The following LYPD6B variants were observed in gnomAD, a reference collection of about 807,000 sequenced individuals.
LYPD6B encodes LY6/PLAUR domain containing 6B, also known as ly6/PLAUR domain-containing protein 6B.
Under a neutral mutation model 22.8 loss-of-function variants are expected in LYPD6B, and 17 were observed. That is an observed-to-expected ratio of 0.75 (90% confidence interval 0.51 to 1.12). The LOEUF is 1.12. LYPD6B is among the 50% of genes most tolerant of loss of function. The pLI is 0.00. For synonymous variants in LYPD6B, 106 were observed against 91.6 expected, an observed-to-expected ratio of 1.16 and a Z score of -0.90; for missense variants, 221 against 258.3, an observed-to-expected ratio of 0.86 and a Z score of 0.99.
chr2:149,208,464 C>A, intron 5 of LYPD6B, 52 bp downstream of exon 5: 1 of 1,346,856 alleles, frequency 7.4e-7, no homozygotes, highest in South Asian at 1.2e-5. Flanking sequence ...ATTTGAATCT[C>A]TCCTGACTTG....
chr2:149,048,437 T>C (rs1683407783), intron 1 of LYPD6B, among the ~76,000 whole-genome samples: 1 of 152,220 alleles, frequency 6.6e-6, no homozygotes, highest in South Asian at 2.1e-4. Context: ...GCCATTCCCA[T>C]CTTTTGGTCT....
At chr2:149,121,557 A>T (rs1037365537) in intron 1 of LYPD6B, among the ~76,000 whole-genome samples, 1 of 152,176 alleles carries the variant, frequency 6.6e-6, no homozygotes. Context: ...GTGCAGGGTT[A>T]AAGAGCAAAC....
At chr2:149,147,343 G>C (rs1009586083) in intron 2 of LYPD6B, among the ~76,000 whole-genome samples, 1 of 152,232 alleles carries the variant, frequency 6.6e-6, no homozygotes, top group African/African-American at 2.4e-5. Context: ...CATTAATCCA[G>C]AGGAGGGTAT....
rs138532744 is a variant in LYPD6B, at chr2:149,129,666, T to C, written c.-66-1217T>C. Among the ~76,000 whole-genome samples, 794 of 152,346 alleles carry C rather than the reference T, an allele frequency of 5.2e-3. 6 individuals are homozygous for C. The highest frequency in any genetic ancestry group is 0.019 in the African/African-American group (773 of 41,582). Reference sequence around the variant, plus strand: ...GAGTTCTAAGTGCTATTTAGAGTTATAATGCTTTTCCTGTGGTGTATGCAG... The same window carrying C: ...GAGTTCTAAGTGCTATTTAGAGTTACAATGCTTTTCCTGTGGTGTATGCAG... On this transcript the variant is annotated intron_variant, in intron 1 of 6. Coordinates refer to ENST00000409642, the MANE Select transcript of LYPD6B (RefSeq NM_177964.5).
intron 3 of LYPD6B, among the ~76,000 whole-genome samples, chr2:149,167,448 C>T (rs1339159499): frequency 6.6e-6 from 1 of 152,218 alleles, no homozygotes; most frequent in Non-Finnish European, 1.5e-5. Context: ...GGTTGATTAA[C>T]ATGAGTTTGC....
At chr2:149,148,198 A>AT (rs1448399881) in intron 2 of LYPD6B, among the ~76,000 whole-genome samples, 1 of 152,162 alleles carries the variant, frequency 6.6e-6, no homozygotes, top group East Asian at 1.9e-4. Context: ...CAAATCTTGG[A>AT]TATTTCTTCT....
At chr2:149,151,247 G>A (rs1689355039) in intron 2 of LYPD6B, among the ~76,000 whole-genome samples, 1 of 152,100 alleles carries the variant, frequency 6.6e-6, no homozygotes, top group Admixed American at 6.5e-5. Flanking sequence ...TTTCTCCGGA[G>A]AAGAATTCTC....
At chr2:149,154,126 AC>A (rs1188052954) in intron 2 of LYPD6B, 17 of 538,608 alleles carry the variant, frequency 3.2e-5, no homozygotes, top group African/African-American at 7.0e-5. Context: ...CCATCCCCCC[AC>A]CCCCCAAAAA....
intron 3 of LYPD6B, among the ~76,000 whole-genome samples, chr2:149,181,238 G>A (rs916345673): frequency 1.3e-5 from 2 of 152,124 alleles, no homozygotes; most frequent in Non-Finnish European, 2.9e-5. Flanking sequence ...ATGGAGGCCT[G>A]AAAATGCAGG....
chr2:149,107,486 G>A (rs530961618), intron 1 of LYPD6B, among the ~76,000 whole-genome samples: 22 of 152,270 alleles, frequency 1.4e-4, no homozygotes, highest in Non-Finnish European at 2.9e-4. Flanking sequence ...GATAAGGGGG[G>A]ACTACTGCAT....
At chr2:149,062,278 C>T (rs549000901) in intron 1 of LYPD6B, among the ~76,000 whole-genome samples, 4 of 152,168 alleles carry the variant, frequency 2.6e-5, no homozygotes, top group African/African-American at 7.2e-5. Flanking sequence ...TGAGCCACCG[C>T]GCCCGGCAGA....
intron 2 of LYPD6B, among the ~76,000 whole-genome samples, chr2:149,142,939 TTATAGA>T (rs1437417494): frequency 1.3e-5 from 2 of 152,226 alleles, no homozygotes; most frequent in African/African-American, 4.8e-5. Flanking sequence ...TTTAGAATAG[TTATAGA>T]TATATGGAGA....
At chr2:149,103,902 A>G (rs1462384912) in intron 1 of LYPD6B, among the ~76,000 whole-genome samples, 1 of 146,534 alleles carries the variant, frequency 6.8e-6, no homozygotes, top group Non-Finnish European at 1.5e-5. Flanking sequence ...TCAGCCTCCT[A>G]AGTAGCTGGT....
intron 3 of LYPD6B, among the ~76,000 whole-genome samples, chr2:149,196,146 A>G (rs1475503411): frequency 6.6e-6 from 1 of 152,224 alleles, no homozygotes; most frequent in Non-Finnish European, 1.5e-5. Context: ...ATATCTTTAT[A>G]TATGTACATT....
chr2:149,140,785 C>T (rs12615999), intron 2 of LYPD6B, among the ~76,000 whole-genome samples: 36,670 of 152,114 alleles, frequency 0.24, 5,704 homozygotes, highest in East Asian at 0.54. Context: ...TTCTTTCTCT[C>T]CATCTTGAAT....
At chr2:149,051,922 C>T (rs990578450) in intron 1 of LYPD6B, among the ~76,000 whole-genome samples, 20 of 151,966 alleles carry the variant, frequency 1.3e-4, no homozygotes, top group Admixed American at 3.3e-4. Context: ...CGCCTAATCC[C>T]AGCACTTTGG....
At chr2:149,121,553 G>A (rs1687358992) in intron 1 of LYPD6B, among the ~76,000 whole-genome samples, 1 of 152,130 alleles carries the variant, frequency 6.6e-6, no homozygotes, top group Non-Finnish European at 1.5e-5. Flanking sequence ...GTGTGTGCAG[G>A]GTTAAAGAGC....
intron 1 of LYPD6B, among the ~76,000 whole-genome samples, chr2:149,054,478 G>C (rs6749580): frequency 7.2e-5 from 11 of 152,088 alleles, no homozygotes; most frequent in Non-Finnish European, 1.2e-4. Context: ...TTGTTTTTAC[G>C]TATTCTGGAT....
At chr2:149,073,951 T>C (rs1684764139) in intron 1 of LYPD6B, among the ~76,000 whole-genome samples, 1 of 152,018 alleles carries the variant, frequency 6.6e-6, no homozygotes, top group African/African-American at 2.4e-5. Context: ...GTGATGGGTC[T>C]GGGGAAGGAA....
Sources: gnomAD v4.1 joint callset for allele counts (sites outside exome capture counted in the v4.1 genomes callset) on GRCh38, gnomAD v4.1.1 for gene constraint, MANE v1.5 for transcripts, NCBI Gene and HGNC (gene_info 2026-07-23, HGNC 2026-07-21) for gene names.